The following ANK2 variants were observed in gnomAD, a reference collection of about 807,000 sequenced individuals.
ANK2 encodes ankyrin-2.
ANK2 carries 83 observed loss-of-function variants against 360.5 expected under a neutral mutation model. That is an observed-to-expected ratio of 0.23 (90% CI 0.19 to 0.28). ANK2 has a LOEUF of 0.28. Among genes scored for constraint, ANK2 ranks in the 10% least tolerant of loss-of-function variants. The probability of loss-of-function intolerance (pLI) is 1.00; values close to 1 mark genes in which losing one functional copy is unlikely to be tolerated. For missense variants in ANK2, 4,201 were observed against 4,795.7 expected, an observed-to-expected ratio of 0.88 and a Z score of 3.66; for synonymous variants, 1,740 against 1,759.5, an observed-to-expected ratio of 0.99 and a Z score of 0.28.
At chr4:113,034,866 G>A (rs1444745661) in intron 2 of ANK2, 1 of 151,934 alleles carries the variant, frequency 6.6e-6, no homozygotes, top group African/African-American at 2.4e-5. Context: ...TCCATTAGAT[G>A]TAATTGAAAT....
At chr4:112,861,150 GA>G (rs1200065700) in intron 1 of ANK2, among the ~76,000 whole-genome samples, 1 of 152,162 alleles carries the variant, frequency 6.6e-6, no homozygotes, top group Non-Finnish European at 1.5e-5. Context: ...GTCTTGAACC[GA>G]AATTGCTTTT....
At chr4:112,787,018 G>A in the ANK2 span, among the ~76,000 whole-genome samples, 14,513 of 152,042 alleles carry the variant, frequency 0.095, 889 homozygotes, top group Non-Finnish European at 0.14. Flanking sequence ...CAAAGTGCTG[G>A]GATTACAGGT....
Position 113,067,215 on chromosome 4 carries a change from A to G in ANK2, c.84+17403A>G, listed in dbSNP as rs1310003822. ...ATTTTACCCAGGGAGCTGTAGTGCT[A>G]GGGAGACATGATATGGAAATGAACT... is the stretch of plus-strand genomic sequence containing the variant. On this transcript the variant is annotated intron_variant, in intron 1 of 45. Coordinates refer to ENST00000357077, the MANE Select transcript of ANK2 (RefSeq NM_001148.6). 2.6e-5 allele frequency among the ~76,000 whole-genome samples: 4 copies of G among 152,116 alleles called. No individual in the cohort carries two copies. The East Asian group carries it at 7.7e-4, about 29-fold the overall frequency.
At chr4:112,787,113 T>C in the ANK2 span, among the ~76,000 whole-genome samples, 2 of 152,232 alleles carry the variant, frequency 1.3e-5, no homozygotes, top group African/African-American at 2.4e-5. Context: ...AATTTATTTC[T>C]ATTTAATCTG....
chr4:112,899,587 T>C (rs962693695), intron 1 of ANK2, among the ~76,000 whole-genome samples: 1 of 152,200 alleles, frequency 6.6e-6, no homozygotes, highest in African/African-American at 2.4e-5. Context: ...AAATAAGTTA[T>C]AAGTAGTATG....
the ANK2 span, among the ~76,000 whole-genome samples, chr4:112,783,253 C>A: frequency 6.6e-6 from 1 of 152,146 alleles, no homozygotes; most frequent in Non-Finnish European, 1.5e-5. Flanking sequence ...TGGAGCCACA[C>A]GCATTCATGT....
chr4:113,046,297 T>C (rs1180757594), upstream of ANK2, among the ~76,000 whole-genome samples: 1 of 152,202 alleles, frequency 6.6e-6, no homozygotes, highest in African/African-American at 2.4e-5. Flanking sequence ...ATCTATGTTA[T>C]ACTGTATAGC....
chr4:113,193,783 C>T lies in ANK2; in HGVS notation c.187-2585C>T, dbSNP rs114802564. ...TTCACAATTACTGCCTTTGGATGTG[C>T]CCATTTTCTCTCTATCTCTTTCTTC... On this transcript the variant is annotated intron_variant, in intron 2 of 45. Coordinates refer to ENST00000357077, the MANE Select transcript of ANK2 (RefSeq NM_001148.6). Among the ~76,000 whole-genome samples the T allele has an allele frequency of 4.7e-3, 709 of 152,202 alleles. 5 individuals carry two copies. Among genetic ancestry groups the T allele is most frequent in the African/African-American group, 0.016 (663 of 41,536 alleles).
chr4:113,241,643 A>G (rs1029631028), intron 8 of ANK2, among the ~76,000 whole-genome samples: 1 of 152,200 alleles, frequency 6.6e-6, no homozygotes, highest in Non-Finnish European at 1.5e-5. Context: ...CCCAACTTGA[A>G]GGAGATGTTT....
chr4:112,736,853 T>C, the ANK2 span, among the ~76,000 whole-genome samples: 1 of 152,170 alleles, frequency 6.6e-6, no homozygotes, highest in Non-Finnish European at 1.5e-5. Context: ...CAGCTGAAGC[T>C]GGAGAGAAAA....
At chr4:113,143,386 C>T (rs1300054573) in intron 1 of ANK2, among the ~76,000 whole-genome samples, 1 of 103,340 alleles carries the variant, frequency 9.7e-6, no homozygotes, top group African/African-American at 3.8e-5. Context: ...ATTCATCTAG[C>T]ACCTAGGGGC....
chr4:113,265,200 C>T (rs995920677), intron 14 of ANK2, among the ~76,000 whole-genome samples: 4 of 151,882 alleles, frequency 2.6e-5, no homozygotes, highest in Non-Finnish European at 5.9e-5. Flanking sequence ...ATTTCAGAAA[C>T]ATTAACATTT....
intron 2 of ANK2, among the ~76,000 whole-genome samples, chr4:112,914,624 G>T (rs1011491716): frequency 4.6e-5 from 7 of 151,790 alleles, no homozygotes; most frequent in African/African-American, 1.7e-4. Context: ...GAAAAGAAAA[G>T]AAAAAAATAG....
At chr4:112,925,774 T>C (rs2092456706) in intron 2 of ANK2, among the ~76,000 whole-genome samples, 1 of 152,240 alleles carries the variant, frequency 6.6e-6, no homozygotes. Context: ...TTGTAGAGCA[T>C]GAAATGAGTT....
intron 1 of ANK2, among the ~76,000 whole-genome samples, chr4:113,070,851 G>C (rs1275740407): frequency 6.6e-6 from 1 of 151,752 alleles, no homozygotes; most frequent in Non-Finnish European, 1.5e-5. Context: ...ATCCCATTTT[G>C]CCTTGGTCTT....
chr4:112,997,417 AT>A (rs1186448435), intron 2 of ANK2, among the ~76,000 whole-genome samples: 1 of 152,056 alleles, frequency 6.6e-6, no homozygotes, highest in African/African-American at 2.4e-5. Flanking sequence ...CTCCTCCTCT[AT>A]CCTCCAAAAA....
intron 1 of ANK2, among the ~76,000 whole-genome samples, chr4:113,081,128 T>TA (rs2082250206): frequency 2.0e-5 from 3 of 152,214 alleles, no homozygotes; most frequent in Non-Finnish European, 4.4e-5. Context: ...TTTGGTTTCT[T>TA]GAAAAAATGT....
the ANK2 span, chr4:112,788,332 G>C: frequency 1.3e-6 from 2 of 1,549,696 alleles, no homozygotes; most frequent in African/African-American, 2.7e-5. Context: ...CCTTCCTCTT[G>C]ATAATGCACT....
chr4:112,920,274 T>C (rs1271726274), intron 2 of ANK2, among the ~76,000 whole-genome samples: 1 of 152,244 alleles, frequency 6.6e-6, no homozygotes, highest in Non-Finnish European at 1.5e-5. Flanking sequence ...ATTCTTCTTT[T>C]TAACCAATGT....
Sources: allele counts gnomAD v4.1 joint callset (sites outside exome capture counted in the v4.1 genomes callset), GRCh38; gene constraint gnomAD v4.1.1; transcripts MANE v1.5; gene names NCBI Gene and HGNC (gene_info 2026-07-23, HGNC 2026-07-21).